The following CELA1 variants were observed in gnomAD, a reference collection of about 807,000 sequenced individuals.
CELA1 encodes chymotrypsin like elastase 1.
A neutral mutation model predicts 34.8 loss-of-function variants in CELA1; 28 were observed. The observed-to-expected ratio is 0.80, with a 90% CI of 0.60 to 1.10. CELA1 has a LOEUF of 1.10. Ranked by LOEUF, CELA1 falls within the 50% of genes least tolerant of loss-of-function variation. The pLI is 0.00. For synonymous variants in CELA1, 140 were observed against 129.8 expected (o/e 1.08, Z -0.53); for missense variants, 288 against 327.5 (o/e 0.88, Z 0.93).
rs577894916 is a variant in CELA1, at chr12:51,330,043, A to C, written c.610-210T>G. Among the ~76,000 whole-genome samples the C allele has an allele frequency of 3.3e-5, 5 of 152,106 alleles. No individual in the cohort carries two copies. The East Asian group carries it at 9.6e-4, about 29-fold the overall frequency. On this transcript the variant is annotated intron_variant, in intron 6 of 7. Transcript: ENST00000293636. Reference sequence around the variant, plus strand: ...TCTTCTCTTTTGCTGCACTTATTTCATGTTCTGCCTTGTATTTTGGTTTCA... The same window carrying C: ...TCTTCTCTTTTGCTGCACTTATTTCCTGTTCTGCCTTGTATTTTGGTTTCA...
intron 1 of CELA1, 31 bp from the exon 2 acceptor site, chr12:51,345,908 A>G (rs1363098558): frequency 6.7e-7 from 1 of 1,503,342 alleles, no homozygotes; most frequent in Non-Finnish European, 9.1e-7. Flanking sequence ...GTGAGTGATG[A>G]CTAAGCATGG....
chr12:51,331,846 AAG>A (rs1946471663), intron 6 of CELA1, among the ~76,000 whole-genome samples: 1 of 152,198 alleles, frequency 6.6e-6, no homozygotes, highest in Non-Finnish European at 1.5e-5. Context: ...GCAAATGAAA[AAG>A]ACAATTTTTA....
chr12:51,331,653 A>T (rs1946470384), intron 6 of CELA1, among the ~76,000 whole-genome samples: 1 of 152,224 alleles, frequency 6.6e-6, no homozygotes, highest in African/African-American at 2.4e-5. Flanking sequence ...GGAAATCAAC[A>T]AATAAACAAC....
intron 6 of CELA1, among the ~76,000 whole-genome samples, chr12:51,333,929 G>A (rs977963680): frequency 3.3e-5 from 5 of 152,206 alleles, no homozygotes; most frequent in Non-Finnish European, 7.3e-5. Flanking sequence ...GAGAGGGAGG[G>A]TGTGGCTGAG....
rs112683705 is a variant in CELA1, at chr12:51,341,030, A to T, written c.463+214T>A. On this transcript the variant is annotated intron_variant, in intron 5 of 7. Coordinates refer to ENST00000293636, the MANE Select transcript of CELA1 (RefSeq NM_001971.6). ...AGGGGCTGGTAAAAAAAATTCTCTG[A>T]TAAAGTCTTTTTTTGTTCTAAGAGT... Among the ~76,000 whole-genome samples, 4 of 152,246 alleles carry T rather than the reference A, an allele frequency of 2.6e-5. No homozygotes were observed. The East Asian group carries it at 7.7e-4, about 29-fold the overall frequency.
chr12:51,342,231 C>T (rs1056782081), intron 4 of CELA1, among the ~76,000 whole-genome samples: 3 of 151,870 alleles, frequency 2.0e-5, no homozygotes, highest in African/African-American at 7.3e-5. Flanking sequence ...GACAGGGTTT[C>T]ACCATATTGG....
At chr12:51,329,900 C>T (rs1946459892) in intron 6 of CELA1, 67 bp from the exon 7 acceptor site, 4 of 1,441,892 alleles carry the variant, frequency 2.8e-6, no homozygotes, top group Non-Finnish European at 3.7e-6. Context: ...CTCCCCCCGC[C>T]CCCGTCTCTG....
rs753650586 is a variant in CELA1, at chr12:51,342,698, T to C, written c.203A>G (p.Gln68Arg). ...TCCAGCCACCACGCGGAAAGTCTTCTGGCTGGCGTGAGAGAAGGAATCCCT... is the reference window on the plus strand; with the variant it reads ...TCCAGCCACCACGCGGAAAGTCTTCCGGCTGGCGTGAGAGAAGGAATCCCT... ...VMTAAHCVDY[Q>R]KTFRVVAGDH... is the part of the protein sequence containing the mutation. Residue 68 changes from glutamine to arginine, a missense_variant and splice_region_variant, in exon 4 of 8, where the codon CAG becomes CGG. Coordinates refer to ENST00000293636, the MANE Select transcript of CELA1 (RefSeq NM_001971.6). The C allele has an allele frequency of 6.8e-6, 11 of 1,614,024 alleles. No individual in the cohort carries two copies. In the East Asian group the frequency reaches 2.5e-4, roughly 36 times the overall value.
chr12:51,344,023 C>T (rs139907687), intron 2 of CELA1, among the ~76,000 whole-genome samples, 170 bp from the exon 3 acceptor site: 2 of 152,312 alleles, frequency 1.3e-5, no homozygotes, highest in African/African-American at 2.4e-5. Flanking sequence ...AGTGAGACCT[C>T]GCCTCTACAA....
intron 6 of CELA1, among the ~76,000 whole-genome samples, chr12:51,338,251 A>ACAC (rs1409272839): frequency 1.6e-5 from 1 of 64,134 alleles, no homozygotes; most frequent in African/African-American, 5.4e-5. Flanking sequence ...AAAAAAAAAA[A>ACAC]ACATACACAC....
At chr12:51,333,405 G>GTTTT (rs35636954) in intron 6 of CELA1, among the ~76,000 whole-genome samples, 1 of 137,902 alleles carries the variant, frequency 7.3e-6, no homozygotes, top group Non-Finnish European at 1.5e-5. Context: ...TTTTTTTTTT[G>GTTTT]TTTTTTTTTT....
chr12:51,345,682 G>T, intron 2 of CELA1, 113 bp downstream of exon 2: 1 of 826,894 alleles, frequency 1.2e-6, no homozygotes, highest in South Asian at 1.5e-5. Flanking sequence ...CGAGAACCTA[G>T]ACAATTGGAG....
At position 51,328,578 on chromosome 12, in the gene CELA1, C is replaced by T. The variant is rs1280979541; in HGVS notation, c.776G>A (p.Ter259=). The T allele has an allele frequency of 1.9e-6, 3 of 1,614,024 alleles. No homozygotes were observed. Among genetic ancestry groups the T allele is most frequent in the South Asian group, 1.1e-5 (1 of 91,062 alleles). ...SWINNVIASN[*] ...AGGTCGTTGGACTCAGGAAAATGTT[C>T]AGTTGGAGGCGATGACCTGAAGGAA... The change falls in exon 8 of 8, where the codon TGA becomes TAA. Residue 259 remains the stop codon, a stop_retained_variant. Transcript: ENST00000293636.
At chr12:51,338,318 AT>A (rs1227617336) in intron 6 of CELA1, among the ~76,000 whole-genome samples, 23 of 151,750 alleles carry the variant, frequency 1.5e-4, no homozygotes, top group African/African-American at 4.1e-4. Flanking sequence ...ATATATATAT[AT>A]ATAGAAATCA....
intron 2 of CELA1, 115 bp downstream of exon 2, chr12:51,345,680 T>C: frequency 1.2e-6 from 1 of 821,534 alleles, no homozygotes; most frequent in South Asian, 1.5e-5. Context: ...ATCGAGAACC[T>C]AGACAATTGG....
rs566752223 is a variant in CELA1 at position 51,339,563 on chromosome 12, C to G, written c.609+297G>C. On this transcript the variant is annotated intron_variant, in intron 6 of 7. Transcript: ENST00000293636. ...CAAAACTCCATCTCAAAAAAAAAAT[C>G]TAGGTAACAAATTCTAAGAACACAC... is the stretch of plus-strand genomic sequence containing the variant. Among the ~76,000 whole-genome samples, 30 of 152,124 alleles carry G rather than the reference C, an allele frequency of 2.0e-4. No homozygotes were observed. The South Asian group carries it at 6.2e-3, about 32-fold the overall frequency.
intron 6 of CELA1, among the ~76,000 whole-genome samples, chr12:51,332,187 TAAAA>T (rs35398341): frequency 7.1e-6 from 1 of 140,172 alleles, no homozygotes; most frequent in Non-Finnish European, 1.5e-5. Flanking sequence ...CCTGTCTCTT[TAAAA>T]AAAAAAAAAA....
rs1428813043 is a variant in CELA1, at chr12:51,341,231, G to A, written c.463+13C>T. On this transcript the variant is annotated intron_variant, in intron 5 of 7. Coordinates refer to ENST00000293636, the MANE Select transcript of CELA1 (RefSeq NM_001971.6). ...GATCCCCGTGGTGGATTGTGCCAAT[G>A]TAGGCAACTTACTCTTGGTCTTGCC... 4.3e-6 allele frequency: 7 copies of A among 1,613,800 alleles called. No individual in the cohort carries two copies. The Admixed American group carries it at 1.0e-4, about 23-fold the overall frequency.
At chr12:51,336,547 A>C (rs1946500611) in intron 6 of CELA1, among the ~76,000 whole-genome samples, 1 of 152,206 alleles carries the variant, frequency 6.6e-6, no homozygotes, top group Non-Finnish European at 1.5e-5. Flanking sequence ...GAATCACTTG[A>C]GCCCGTGAGA....
Sources: gnomAD v4.1 joint callset for allele counts (sites outside exome capture counted in the v4.1 genomes callset) on GRCh38, gnomAD v4.1.1 for gene constraint, MANE v1.5 for transcripts, NCBI Gene and HGNC (gene_info 2026-07-23, HGNC 2026-07-21) for gene names.